POR: variants seen among roughly 807,000 people sequenced by gnomAD.
POR encodes the protein cytochrome p450 oxidoreductase.
In POR, 56 loss-of-function variants were observed where a neutral mutation model predicts 84.0. The ratio of observed to expected loss-of-function variants is 0.67; its 90% CI spans 0.54 to 0.83. The LOEUF (loss-of-function observed/expected upper bound fraction) is 0.83. Among genes scored for constraint, POR ranks in the 40% least tolerant of loss-of-function variants. POR has a pLI of 0.00. For missense variants in POR, 938 were observed against 944.3 expected (o/e 0.99, Z 0.09); for synonymous variants, 414 against 400.5 (o/e 1.03, Z -0.40).
chr7:75,984,381 C>T (rs1789277365), intron 10 of POR, among the ~76,000 whole-genome samples: 1 of 152,176 alleles, frequency 6.6e-6, no homozygotes, highest in Non-Finnish European at 1.5e-5. Flanking sequence ...TGGGCCGAGC[C>T]CACCTCGCCC....
chr7:75,923,054 T>TACTGGTGCGGA (rs1806953714), intron 1 of POR: 1 of 682,798 alleles, frequency 1.5e-6, no homozygotes, highest in African/African-American at 1.8e-5. Flanking sequence ...GGTGTGAGTT[T>TACTGGTGCGGA]ACTGGTGCGG....
chr7:75,960,698 T>C (rs369804077), intron 2 of POR, among the ~76,000 whole-genome samples: 1 of 152,054 alleles, frequency 6.6e-6, no homozygotes, highest in African/African-American at 2.4e-5. Flanking sequence ...TGGCGTGCCC[T>C]CTTGGTGATG....
Position 75,986,648 on chromosome 7 carries a change from G to A in POR, c.*167G>A, listed in dbSNP as rs1789494697. ...GCATCCTCCTCAGCCCCCAGGCCAGGTGAGGTCCACCGGCCCCTGGCAGCA... is the reference window on the plus strand; with the variant it reads ...GCATCCTCCTCAGCCCCCAGGCCAGATGAGGTCCACCGGCCCCTGGCAGCA... On this transcript the variant is annotated 3_prime_UTR_variant, in exon 16 of 16. Transcript: ENST00000461988. 2.3e-6 allele frequency: 2 copies of A among 863,450 alleles called. No homozygotes were observed. The highest frequency in any genetic ancestry group is 3.5e-6 in the Non-Finnish European group (2 of 574,456). The allele number at this position is 863,450 out of a possible 1,614,324, so 53.5% of individuals were successfully genotyped here. A position where few individuals can be genotyped will look rare whatever the true frequency, so the allele number is the denominator to read the frequency against.
chr7:75,941,464 G>A (rs146415682), intron 1 of POR, among the ~76,000 whole-genome samples: 6 of 152,222 alleles, frequency 3.9e-5, no homozygotes, highest in African/African-American at 7.2e-5. Flanking sequence ...CAAGTAACCC[G>A]TTCAGACTCC....
intron 1 of POR, among the ~76,000 whole-genome samples, chr7:75,952,801 G>A (rs1360866791): frequency 9.2e-5 from 14 of 151,660 alleles, no homozygotes; most frequent in African/African-American, 3.4e-4. Flanking sequence ...TCCTAGATGG[G>A]ATGGCGGCCG....
rs41299529 is a variant in POR, at chr7:75,983,328, G to A, written c.831-192G>A. On this transcript the variant is annotated intron_variant, in intron 8 of 15. Transcript: ENST00000461988. ...TGCACTCCAGCCTGGGTGGCAGAGC[G>A]AAACTCTGTCTCAAAAAAAAAAAAG... is the stretch of plus-strand genomic sequence containing the variant. The A allele has an allele frequency of 6.9e-5, 36 of 520,368 alleles. 1 individual carries two copies. The highest frequency in any genetic ancestry group is 6.2e-4 in the Admixed American group (16 of 25,872). 32.2% of individuals were successfully genotyped at this position (520,368 alleles called of 1,614,324 possible). A position where few individuals can be genotyped will look rare whatever the true frequency, so the allele number is the denominator to read the frequency against.
chr7:75,972,601 G>C, intron 3 of POR, 140 bp downstream of exon 3: 2 of 799,528 alleles, frequency 2.5e-6, no homozygotes, highest in Admixed American at 4.0e-5. Context: ...GGCTCGCTTG[G>C]GAGTCATTCT....
In POR at chr7:75,953,979, C is replaced by T. The variant is rs1554553304; in HGVS notation, c.-4-10C>T. On this transcript the variant is annotated splice_polypyrimidine_tract_variant and intron_variant, in intron 1 of 15. Transcript: ENST00000461988. ...CTCTGCTGACATCTGCTGTTTCTGT[C>T]TCCTAACAGTTTCATGATCAACATG... The T allele has an allele frequency of 5.1e-6, 8 of 1,567,304 alleles. No individual in the cohort carries two copies. The East Asian group carries it at 1.9e-4, about 36-fold the overall frequency.
intron 3 of POR, among the ~76,000 whole-genome samples, chr7:75,979,147 G>T (rs193108540): frequency 6.6e-6 from 1 of 152,312 alleles, no homozygotes; most frequent in Non-Finnish European, 1.5e-5. Flanking sequence ...ATTCCCCCAC[G>T]GATAGGGGCT....
At chr7:75,971,511 G>T (rs1200268887) in intron 2 of POR, among the ~76,000 whole-genome samples, 1 of 152,050 alleles carries the variant, frequency 6.6e-6, no homozygotes, top group Non-Finnish European at 1.5e-5. Flanking sequence ...CGGGGTGAGG[G>T]GTGGTGCGGG....
chr7:75,921,459 A>G (rs1290333139), intron 1 of POR, among the ~76,000 whole-genome samples: 3 of 151,844 alleles, frequency 2.0e-5, no homozygotes, highest in Non-Finnish European at 2.9e-5. Context: ...ACAGGGTTTC[A>G]CTGTGTTGGC....
chr7:75,917,106 C>T (rs532784327), intron 1 of POR, among the ~76,000 whole-genome samples: 2 of 151,620 alleles, frequency 1.3e-5, no homozygotes, highest in Admixed American at 1.3e-4. Flanking sequence ...CTCACTCTGT[C>T]GTGCAGGCTG....
intron 3 of POR, among the ~76,000 whole-genome samples, chr7:75,973,973 C>T (rs529449287): frequency 2.6e-5 from 4 of 151,922 alleles, no homozygotes; most frequent in South Asian, 2.1e-4. Context: ...CCACTGCGCC[C>T]GGCTGACCTT....
intron 1 of POR, among the ~76,000 whole-genome samples, chr7:75,927,995 G>A (rs1439267377): frequency 5.3e-4 from 63 of 118,834 alleles, no homozygotes; most frequent in African/African-American, 2.0e-3. Flanking sequence ...TTTTTGAGAC[G>A]GAGTCTTGCT....
chr7:75,931,337 TTTTATTTATTTA>T lies in POR; in HGVS notation c.-5+16194_-5+16205del, dbSNP rs140503871. On this transcript the variant is annotated intron_variant, in intron 1 of 15. Transcript: ENST00000461988. ...TTACAAAGGGCCACTTATTGTGTGA[TTTTATTTATTTA>T]TTTATTTATTTATTTATTTATTTAT... is the stretch of plus-strand genomic sequence containing the variant. 3.1e-3 allele frequency among the ~76,000 whole-genome samples: 445 copies of T among 142,866 alleles called. 1 individual carries two copies. Among genetic ancestry groups the T allele is most frequent in the East Asian group, 5.1e-3 (25 of 4,906 alleles). 93.7% of individuals were successfully genotyped at this position (142,866 alleles called of 152,430 possible).
chr7:75,964,880 TC>T (rs1466970217), intron 2 of POR, among the ~76,000 whole-genome samples: 3 of 151,494 alleles, frequency 2.0e-5, no homozygotes, highest in African/African-American at 7.3e-5. Flanking sequence ...AAAAATAAAT[TC>T]AAAAATTAGC....
At chr7:75,980,315 G>C (rs371417686) in intron 4 of POR, 24 bp from the exon 5 acceptor site, 1 of 1,606,734 alleles carries the variant, frequency 6.2e-7, no homozygotes, top group East Asian at 2.2e-5. Context: ...TGGCCGGGGC[G>C]CGGTCCTGTC....
chr7:75,983,283 G>A, intron 8 of POR: 1 of 457,072 alleles, frequency 2.2e-6, no homozygotes, highest in Non-Finnish European at 3.9e-6. Context: ...AGAGGTTGCA[G>A]TGAGCCGAGA....
rs199962786 is a variant in POR, at chr7:75,917,380, C to CTTTTTTTT, written c.-5+2203_-5+2204insTTTTTTTT. On this transcript the variant is annotated intron_variant, in intron 1 of 15. Coordinates refer to ENST00000461988, the MANE Select transcript of POR (RefSeq NM_000941.3). The stretch of plus-strand genomic sequence containing the variant: ...ACCGTTCCTGGCTTTCTTATTTCTT[C>CTTTTTTTT]TTCTTTTTTTTTTTTTTTTTTCTGA... Among the ~76,000 whole-genome samples the CTTTTTTTT allele has an allele frequency of 2.4e-5, 3 of 125,976 alleles. 1 individual carries two copies. The highest frequency in any genetic ancestry group is 1.2e-4 in the African/African-American group (3 of 25,038). The allele number at this position is 125,976 out of a possible 152,430, so 82.6% of individuals were successfully genotyped here.
Sources: gnomAD v4.1 joint callset for allele counts (sites outside exome capture counted in the v4.1 genomes callset) on GRCh38, gnomAD v4.1.1 for gene constraint, MANE v1.5 for transcripts, NCBI Gene and HGNC (gene_info 2026-07-23, HGNC 2026-07-21) for gene names.